The following CLASP2 variants were observed in gnomAD, a reference collection of about 807,000 sequenced individuals.
CLASP2 encodes the protein cytoplasmic linker associated protein 2.
In CLASP2, 47 loss-of-function variants were observed where a neutral mutation model predicts 194.4. That is an observed-to-expected ratio of 0.24 (90% CI 0.19 to 0.31). The LOEUF is 0.31. CLASP2 is among the 10% of genes least tolerant of loss of function. The probability of loss-of-function intolerance (pLI) is 1.00; values close to 1 mark genes in which losing one functional copy is unlikely to be tolerated. For synonymous variants in CLASP2, 619 were observed against 633.5 expected (o/e 0.98, Z 0.34); for missense variants, 1,445 against 1,823.6 (o/e 0.79, Z 3.78).
chr3:33,566,868 T>C, intron 26 of CLASP2, 134 bp from the exon 27 acceptor site: 1 of 310,094 alleles, frequency 3.2e-6, no homozygotes, highest in African/African-American at 2.2e-5. Flanking sequence ...TAGTGACAAA[T>C]GTTTTTCGAA....
intron 5 of CLASP2, among the ~76,000 whole-genome samples, chr3:33,686,259 C>A (rs1008707933): frequency 6.6e-6 from 1 of 152,140 alleles, no homozygotes; most frequent in Admixed American, 6.5e-5. Flanking sequence ...TGAACCAGAA[C>A]ACATCCCTGT....
intron 10 of CLASP2, among the ~76,000 whole-genome samples, chr3:33,624,063 T>C (rs2077567155): frequency 6.6e-6 from 1 of 152,108 alleles, no homozygotes; most frequent in Non-Finnish European, 1.5e-5. Flanking sequence ...CAATATTTGA[T>C]TGCCAAATGT....
At position 33,571,308 on chromosome 3, in the gene CLASP2, C is replaced by A. The variant is rs537690971; in HGVS notation, c.2700-518G>T. On this transcript the variant is annotated intron_variant, in intron 25 of 38. Transcript: ENST00000682230. ...GATTACAGGCGTGACCCACCGCGCC[C>A]GGCCTGTCTCTATAAATTTTTAACA... 9.8e-4 allele frequency among the ~76,000 whole-genome samples: 149 copies of A among 151,544 alleles called. 1 individual carries two copies. The highest frequency in any genetic ancestry group is 1.0e-3 in the Non-Finnish European group (68 of 67,836).
chr3:33,521,953 T>C (rs2053234967), intron 34 of CLASP2, among the ~76,000 whole-genome samples: 1 of 151,850 alleles, frequency 6.6e-6, no homozygotes, highest in South Asian at 2.1e-4. Flanking sequence ...ACACAGCTTG[T>C]GGGAATCAGG....
intron 36 of CLASP2, among the ~76,000 whole-genome samples, 174 bp downstream of exon 36, chr3:33,515,849 T>C (rs2051168366): frequency 1.3e-5 from 2 of 152,220 alleles, no homozygotes; most frequent in South Asian, 4.1e-4. Flanking sequence ...GGTCATGATA[T>C]CACTGTTTAA....
At chr3:33,544,300 A>T (rs2058819496) in intron 31 of CLASP2, among the ~76,000 whole-genome samples, 1 of 152,210 alleles carries the variant, frequency 6.6e-6, no homozygotes, top group Admixed American at 6.5e-5. Flanking sequence ...CACTTCTTAA[A>T]GCACTACCTC....
At chr3:33,684,890 T>C (rs941710794) in intron 5 of CLASP2, among the ~76,000 whole-genome samples, 67 of 152,010 alleles carry the variant, frequency 4.4e-4, no homozygotes, top group African/African-American at 1.6e-3. Context: ...TAATCCCAGC[T>C]ACTCAGGAGG....
intron 12 of CLASP2, among the ~76,000 whole-genome samples, chr3:33,615,292 A>C (rs2075917819): frequency 6.6e-6 from 1 of 151,868 alleles, no homozygotes; most frequent in East Asian, 1.9e-4. Context: ...AAATGACATG[A>C]ATGAAATAAA....
chr3:33,573,029 T>A, intron 25 of CLASP2, 81 bp downstream of exon 25: 1 of 1,502,048 alleles, frequency 6.7e-7, no homozygotes, highest in Non-Finnish European at 9.0e-7. Context: ...TACACCAGTA[T>A]CTCTAAAGTG....
intron 6 of CLASP2, 24 bp downstream of exon 6, chr3:33,684,335 A>G (rs2090317037): frequency 1.4e-6 from 2 of 1,412,402 alleles, no homozygotes; most frequent in Admixed American, 2.3e-5. Flanking sequence ...AAAAAAAAAA[A>G]GAACCAAATT....
chr3:33,697,561 T>C (rs1019622798), intron 1 of CLASP2, among the ~76,000 whole-genome samples: 2 of 152,244 alleles, frequency 1.3e-5, no homozygotes, highest in African/African-American at 2.4e-5. Context: ...CAGTCCATCA[T>C]TGACCACAAT....
chr3:33,518,875 A>G (rs1465139752), intron 34 of CLASP2, among the ~76,000 whole-genome samples: 2 of 152,214 alleles, frequency 1.3e-5, no homozygotes, highest in African/African-American at 4.8e-5. Flanking sequence ...TATATGAATG[A>G]GATAATCCAA....
chr3:33,519,967 T>C (rs1391522365), intron 34 of CLASP2, among the ~76,000 whole-genome samples: 1 of 152,226 alleles, frequency 6.6e-6, no homozygotes, highest in African/African-American at 2.4e-5. Context: ...GTGATCCTGA[T>C]AAACTGTCAT....
At chr3:33,504,124 T>C (rs1208951870) in intron 37 of CLASP2, 1 of 152,182 alleles carries the variant, frequency 6.6e-6, no homozygotes, top group African/African-American at 2.4e-5. Context: ...ATACTATAGG[T>C]TGTCTTTTCA....
intron 23 of CLASP2, chr3:33,577,207 G>A: frequency 6.3e-7 from 1 of 1,596,442 alleles, no homozygotes; most frequent in Non-Finnish European, 8.5e-7. Context: ...TTCACCTGAG[G>A]CCCCATACAC....
chr3:33,634,755 A>G (rs967701585), intron 8 of CLASP2, among the ~76,000 whole-genome samples: 1 of 152,220 alleles, frequency 6.6e-6, no homozygotes, highest in African/African-American at 2.4e-5. Context: ...CAATGGATAC[A>G]TATTTCAAAA....
At chr3:33,690,451 CAA>C (rs2091217385) in intron 2 of CLASP2, among the ~76,000 whole-genome samples, 1 of 152,130 alleles carries the variant, frequency 6.6e-6, no homozygotes, top group South Asian at 2.1e-4. Context: ...ATAAACAACT[CAA>C]AGAGTAAAGG....
Position 33,510,769 on chromosome 3 carries a change from A to G in CLASP2, c.4111-5T>C, listed in dbSNP as rs1416606138. ...TTCCTCAGCAGATCTCACCACCTAA[A>G]AAAAATAGGAAATTAAGCCAGAAAG... On this transcript the variant is annotated splice_polypyrimidine_tract_variant and splice_region_variant and intron_variant, in intron 36 of 38. Transcript: ENST00000682230. The G allele has an allele frequency of 6.3e-7, 1 of 1,595,848 alleles. No individual in the cohort carries two copies.
At chr3:33,686,530 A>G (rs184090900) in intron 5 of CLASP2, among the ~76,000 whole-genome samples, 5 of 152,312 alleles carry the variant, frequency 3.3e-5, no homozygotes, top group Admixed American at 3.3e-4. Flanking sequence ...CTGAGGTAGA[A>G]CAGTTTCATC....
Sources: allele counts gnomAD v4.1 joint callset (sites outside exome capture counted in the v4.1 genomes callset), GRCh38; gene constraint gnomAD v4.1.1; transcripts MANE v1.5; gene names NCBI Gene and HGNC (gene_info 2026-07-23, HGNC 2026-07-21).